The following PRKG1 variants were observed in gnomAD, a reference collection of about 807,000 sequenced individuals.
PRKG1 encodes the protein protein kinase cGMP-dependent 1.
In PRKG1, 35 loss-of-function variants were observed where a neutral mutation model predicts 88.1. The ratio of observed to expected loss-of-function variants is 0.40; its 90% CI spans 0.30 to 0.53. PRKG1 has a LOEUF of 0.53. PRKG1 is among the 20% of genes least tolerant of loss of function. The pLI is 0.59. For synonymous variants in PRKG1, 303 were observed against 292.5 expected, an observed-to-expected ratio of 1.04 and a Z score of -0.37; for missense variants, 540 against 839.8, an observed-to-expected ratio of 0.64 and a Z score of 4.41.
intron 5 of PRKG1, among the ~76,000 whole-genome samples, chr10:51,951,483 G>T (rs770496496): frequency 1.8e-4 from 27 of 152,080 alleles, no homozygotes; most frequent in Admixed American, 5.9e-4. Context: ...TTAACTTTTG[G>T]ATATGGCCTG....
intron 4 of PRKG1, among the ~76,000 whole-genome samples, chr10:51,825,047 T>C (rs531313193): frequency 6.6e-6 from 1 of 152,298 alleles, no homozygotes; most frequent in African/African-American, 2.4e-5. Context: ...ATCAACATAA[T>C]TTTCCCCCAT....
At chr10:51,278,248 G>C (rs1840185693) in intron 2 of PRKG1, among the ~76,000 whole-genome samples, 1 of 152,072 alleles carries the variant, frequency 6.6e-6, no homozygotes, top group Non-Finnish European at 1.5e-5. Flanking sequence ...TTGTATGTTG[G>C]ATTACGTTTA....
intron 4 of PRKG1, among the ~76,000 whole-genome samples, chr10:51,868,997 T>G (rs998637006): frequency 2.0e-5 from 3 of 152,232 alleles, no homozygotes; most frequent in African/African-American, 7.2e-5. Context: ...TTCCAATGAA[T>G]AATTTTATTG....
chr10:51,073,605 G>A (rs1843868987), upstream of PRKG1, among the ~76,000 whole-genome samples: 1 of 152,102 alleles, frequency 6.6e-6, no homozygotes. Flanking sequence ...GCCCAAATCC[G>A]TTTTTGGCCT....
chr10:51,712,739 G>A (rs943243465), intron 3 of PRKG1, among the ~76,000 whole-genome samples: 63 of 151,750 alleles, frequency 4.2e-4, no homozygotes, highest in African/African-American at 1.4e-3. Context: ...ATAGGCGCCC[G>A]CCACCACGCC....
intron 2 of PRKG1, among the ~76,000 whole-genome samples, chr10:51,174,651 C>T (rs530352780): frequency 3.3e-5 from 5 of 152,020 alleles, no homozygotes; most frequent in Admixed American, 2.0e-4. Context: ...GTTTTTGAGT[C>T]CGTTGTGGTG....
intron 3 of PRKG1, among the ~76,000 whole-genome samples, chr10:51,735,877 A>ATATATATG (rs1554836797): frequency 8.6e-6 from 1 of 115,672 alleles, no homozygotes; most frequent in African/African-American, 3.8e-5. Flanking sequence ...ATATATATAT[A>ATATATATG]TATGTATATT....
At chr10:51,434,889 T>C (rs1018392596) in intron 2 of PRKG1, among the ~76,000 whole-genome samples, 2 of 152,098 alleles carry the variant, frequency 1.3e-5, no homozygotes, top group African/African-American at 2.4e-5. Context: ...ATTAATGTCT[T>C]CATTTCTTAT....
At chr10:51,606,724 G>A (rs191126412) in intron 3 of PRKG1, among the ~76,000 whole-genome samples, 1 of 152,244 alleles carries the variant, frequency 6.6e-6, no homozygotes, top group East Asian at 1.9e-4. Context: ...TTGGTAAAGC[G>A]CGTCTTCTAT....
intron 5 of PRKG1, chr10:51,908,735 T>TCTATCTATCTATATA (rs778365205): frequency 2.6e-4 from 20 of 77,852 alleles, no homozygotes; most frequent in South Asian, 8.9e-4. Flanking sequence ...CTATATGTAA[T>TCTATCTATCTATATA]TTTTTTTTTT....
intron 7 of PRKG1, among the ~76,000 whole-genome samples, chr10:52,120,528 T>G (rs115632742): frequency 0.01 from 1,568 of 152,152 alleles, 25 homozygotes; most frequent in African/African-American, 0.035. Context: ...AATACAATGG[T>G]GGGGCAGGCA....
At chr10:51,122,744 C>T (rs1010478258) in intron 1 of PRKG1, among the ~76,000 whole-genome samples, 7 of 152,182 alleles carry the variant, frequency 4.6e-5, no homozygotes, top group African/African-American at 7.2e-5. Context: ...CTGGCAACTA[C>T]GCCATGTTGT....
At chr10:51,058,017 G>A (rs1416767475) in intron 1 of PRKG1, among the ~76,000 whole-genome samples, 1 of 152,114 alleles carries the variant, frequency 6.6e-6, no homozygotes, top group African/African-American at 2.4e-5. Flanking sequence ...ACAGACTAAG[G>A]ATTGCTGTGA....
chr10:51,872,982 T>C (rs1841198795), intron 4 of PRKG1, among the ~76,000 whole-genome samples: 1 of 152,144 alleles, frequency 6.6e-6, no homozygotes, highest in Non-Finnish European at 1.5e-5. Context: ...TTGTATGACC[T>C]CTACTTCTCA....
At chr10:51,365,331 G>A (rs1206518867) in intron 2 of PRKG1, among the ~76,000 whole-genome samples, 1 of 151,698 alleles carries the variant, frequency 6.6e-6, no homozygotes, top group Admixed American at 6.6e-5. Context: ...CCTCCTGTAG[G>A]AGCTGGGTTG....
intron 3 of PRKG1, among the ~76,000 whole-genome samples, chr10:51,661,982 AAGCCAG>A (rs1280807212): frequency 6.6e-6 from 1 of 152,170 alleles, no homozygotes; most frequent in East Asian, 1.9e-4. Context: ...CAATGACAGA[AAGCCAG>A]ACACCACATT....
chr10:51,965,913 G>A (rs74586695), intron 5 of PRKG1, among the ~76,000 whole-genome samples: 17,898 of 152,078 alleles, frequency 0.12, 1,167 homozygotes, highest in African/African-American at 0.16. Flanking sequence ...GAAGATTGCA[G>A]TCAGTTCTGT....
chr10:51,754,026 G>A (rs1837794688), intron 3 of PRKG1, among the ~76,000 whole-genome samples: 1 of 152,008 alleles, frequency 6.6e-6, no homozygotes, highest in African/African-American at 2.4e-5. Flanking sequence ...TTGAATCCTG[G>A]ATGGGAAGTC....
chr10:51,505,635 G>A (rs1841176655), intron 3 of PRKG1, among the ~76,000 whole-genome samples: 1 of 152,004 alleles, frequency 6.6e-6, no homozygotes, highest in Non-Finnish European at 1.5e-5. Context: ...ATTAATTATT[G>A]CCTCAATTTC....
Sources: gnomAD v4.1 joint callset for allele counts (sites outside exome capture counted in the v4.1 genomes callset) on GRCh38, gnomAD v4.1.1 for gene constraint, MANE v1.5 for transcripts, NCBI Gene and HGNC (gene_info 2026-07-23, HGNC 2026-07-21) for gene names.